RABGAP1L: variants seen among roughly 807,000 people sequenced by gnomAD.
RABGAP1L encodes the protein RAB GTPase activating protein 1 like, also known as rab GTPase-activating protein 1-like.
In RABGAP1L, 63 loss-of-function variants were observed where a neutral mutation model predicts 137.7. The ratio of observed to expected loss-of-function variants is 0.46; its 90% confidence interval spans 0.37 to 0.56. RABGAP1L has a LOEUF of 0.56. Ranked by LOEUF, RABGAP1L falls within the 20% of genes least tolerant of loss-of-function variation. The pLI is 0.00. For synonymous variants in RABGAP1L, 431 were observed against 433.7 expected, an observed-to-expected ratio of 0.99 and a Z score of 0.08; for missense variants, 1,095 against 1,244.0, an observed-to-expected ratio of 0.88 and a Z score of 1.80.
intron 13 of RABGAP1L, among the ~76,000 whole-genome samples, chr1:174,530,820 TAC>T (rs1664329583): frequency 8.9e-6 from 1 of 112,986 alleles, no homozygotes; most frequent in African/African-American, 7.6e-5. Context: ...CATACATACA[TAC>T]ATACATACAT....
intron 14 of RABGAP1L, among the ~76,000 whole-genome samples, chr1:174,640,187 A>G (rs1233424718): frequency 1.3e-5 from 2 of 152,130 alleles, no homozygotes; most frequent in African/African-American, 4.8e-5. Flanking sequence ...CCTACCCTGT[A>G]GACCGCTTGG....
intron 13 of RABGAP1L, among the ~76,000 whole-genome samples, chr1:174,540,639 T>C (rs1162945237): frequency 6.6e-6 from 1 of 152,220 alleles, no homozygotes; most frequent in African/African-American, 2.4e-5. Flanking sequence ...CTCTGTTCTG[T>C]TCCATTGGTC....
At chr1:174,513,340 TGTAA>T (rs1209537508) in intron 13 of RABGAP1L, among the ~76,000 whole-genome samples, 1 of 152,280 alleles carries the variant, frequency 6.6e-6, no homozygotes, top group East Asian at 1.9e-4. Context: ...AGCTCACGCC[TGTAA>T]TTTTAGCACT....
chr1:174,329,764 C>T (rs901610423), intron 11 of RABGAP1L, among the ~76,000 whole-genome samples: 2 of 152,066 alleles, frequency 1.3e-5, no homozygotes, highest in Non-Finnish European at 2.9e-5. Flanking sequence ...GAGCATGTGA[C>T]AGACTTCATC....
intron 13 of RABGAP1L, among the ~76,000 whole-genome samples, chr1:174,443,054 C>A (rs1418247070): frequency 2.0e-5 from 3 of 151,994 alleles, no homozygotes; most frequent in Admixed American, 2.0e-4. Context: ...GAATTTCATT[C>A]TTTTTTATAG....
chr1:174,314,251 T>G (rs1679154208), intron 11 of RABGAP1L, among the ~76,000 whole-genome samples: 1 of 152,208 alleles, frequency 6.6e-6, no homozygotes, highest in Non-Finnish European at 1.5e-5. Context: ...GTTGTATGTG[T>G]CTAGGAATGT....
chr1:174,716,327 A>G (rs1203819007), intron 17 of RABGAP1L, among the ~76,000 whole-genome samples: 1 of 152,122 alleles, frequency 6.6e-6, no homozygotes, highest in Non-Finnish European at 1.5e-5. Flanking sequence ...TGCAGTGGCT[A>G]TTCACAGACA....
At chr1:174,268,492 T>C (rs892440106) in intron 7 of RABGAP1L, among the ~76,000 whole-genome samples, 7 of 152,114 alleles carry the variant, frequency 4.6e-5, no homozygotes, top group African/African-American at 1.7e-4. Context: ...CGTGAGCCAC[T>C]GCGCCCAGCC....
At chr1:174,332,986 A>G (rs561298851) in intron 11 of RABGAP1L, among the ~76,000 whole-genome samples, 1 of 152,378 alleles carries the variant, frequency 6.6e-6, no homozygotes, top group African/African-American at 2.4e-5. Context: ...CTATTCAGTC[A>G]TAAAAAGGAT....
chr1:174,638,864 T>C (rs538676091), intron 14 of RABGAP1L, among the ~76,000 whole-genome samples: 30 of 135,268 alleles, frequency 2.2e-4, no homozygotes, highest in Admixed American at 2.0e-3. Flanking sequence ...GGAAGGGGAA[T>C]ATCACACTCT....
intron 11 of RABGAP1L, among the ~76,000 whole-genome samples, chr1:174,356,594 G>C (rs990051158): frequency 1.3e-4 from 20 of 151,770 alleles, no homozygotes; most frequent in African/African-American, 4.8e-4. Context: ...TCAAAGCAGA[G>C]AGTGACCAAA....
At chr1:174,371,895 A>C (rs1374406669) in intron 12 of RABGAP1L, among the ~76,000 whole-genome samples, 1 of 152,156 alleles carries the variant, frequency 6.6e-6, no homozygotes, top group Non-Finnish European at 1.5e-5. Flanking sequence ...ATGCATCTTG[A>C]GAGTTTCCTT....
intron 13 of RABGAP1L, among the ~76,000 whole-genome samples, chr1:174,571,229 A>G (rs1667956993): frequency 6.6e-6 from 1 of 152,088 alleles, no homozygotes; most frequent in South Asian, 2.1e-4. Context: ...AAACAATTGA[A>G]CTCATAGAGA....
rs913774046 is a variant in RABGAP1L, at chr1:174,402,234, G to A, written c.1710+8089G>A. ...ACATGGTTACTAAATAGTAGAATCC[G>A]TGAACTCAAAAACCCAAAACTAGAA... is the stretch of plus-strand genomic sequence containing the variant. On this transcript the variant is annotated intron_variant, in intron 13 of 25. Coordinates refer to ENST00000681986, the MANE Select transcript of RABGAP1L (RefSeq NM_001366446.1). Among the ~76,000 whole-genome samples, 12 of 152,124 alleles carry A rather than the reference G, an allele frequency of 7.9e-5. No individual in the cohort carries two copies. In the East Asian group the frequency reaches 9.7e-4, roughly 12 times the overall value.
chr1:174,877,063 T>G (rs1379851497), intron 19 of RABGAP1L, among the ~76,000 whole-genome samples: 1 of 152,184 alleles, frequency 6.6e-6, no homozygotes, highest in East Asian at 1.9e-4. Flanking sequence ...AATACTGCAG[T>G]AAGAAGATGA....
intron 4 of RABGAP1L, among the ~76,000 whole-genome samples, chr1:174,232,574 G>A (rs1249674443): frequency 6.6e-6 from 1 of 151,812 alleles, no homozygotes; most frequent in African/African-American, 2.4e-5. Context: ...ACGAGGTCAG[G>A]AGATCGAGAC....
intron 13 of RABGAP1L, among the ~76,000 whole-genome samples, chr1:174,618,309 C>A (rs779432025): frequency 6.6e-6 from 1 of 152,174 alleles, no homozygotes; most frequent in Non-Finnish European, 1.5e-5. Flanking sequence ...TCTCCCAGCA[C>A]GCAGCTGGAG....
At chr1:174,451,590 TG>T (rs1049632420) in intron 13 of RABGAP1L, among the ~76,000 whole-genome samples, 3 of 152,228 alleles carry the variant, frequency 2.0e-5, no homozygotes, top group African/African-American at 7.2e-5. Context: ...CCAGTAGGCC[TG>T]GGCCAAAGCC....
At chr1:174,354,765 G>A (rs1683476229) in intron 11 of RABGAP1L, among the ~76,000 whole-genome samples, 1 of 152,114 alleles carries the variant, frequency 6.6e-6, no homozygotes, top group Admixed American at 6.6e-5. Flanking sequence ...TATTGCCTAG[G>A]TTTTCTTCTA....
Sources: gnomAD v4.1 joint callset for allele counts (sites outside exome capture counted in the v4.1 genomes callset) on GRCh38, gnomAD v4.1.1 for gene constraint, MANE v1.5 for transcripts, NCBI Gene and HGNC (gene_info 2026-07-23, HGNC 2026-07-21) for gene names.